The following TTC12 variants were observed in gnomAD, a reference collection of about 807,000 sequenced individuals.
TTC12 encodes the protein tetratricopeptide repeat protein 12.
A neutral mutation model predicts 90.1 loss-of-function variants in TTC12; 70 were observed. The observed-to-expected ratio is 0.78, with a 90% CI of 0.64 to 0.95. TTC12 has a LOEUF of 0.95. Ranked by LOEUF, TTC12 falls within the 40% of genes least tolerant of loss-of-function variation. The pLI is 0.00. For synonymous variants in TTC12, 296 were observed against 311.5 expected, an observed-to-expected ratio of 0.95 and a Z score of 0.53; for missense variants, 819 against 846.1, an observed-to-expected ratio of 0.97 and a Z score of 0.40.
intron 7 of TTC12, among the ~76,000 whole-genome samples, chr11:113,334,705 G>T (rs1225434161): frequency 3.3e-5 from 5 of 151,752 alleles, no homozygotes. Context: ...CTGAGGGTTT[G>T]CTTCCTGATT....
intron 16 of TTC12, among the ~76,000 whole-genome samples, chr11:113,357,779 T>C (rs12293753): frequency 0.25 from 38,065 of 152,108 alleles, 5,946 homozygotes; most frequent in East Asian, 0.49. Flanking sequence ...TTTTCTGGCT[T>C]CTCTAGGTTA....
At chr11:113,341,276 G>A (rs1330192228) in intron 11 of TTC12, among the ~76,000 whole-genome samples, 1 of 152,096 alleles carries the variant, frequency 6.6e-6, no homozygotes, top group Non-Finnish European at 1.5e-5. Flanking sequence ...CACTTCCCAG[G>A]GCTCCTCTAA....
At chr11:113,355,306 C>T (rs1949566257) in intron 16 of TTC12, among the ~76,000 whole-genome samples, 1 of 152,156 alleles carries the variant, frequency 6.6e-6, no homozygotes, top group East Asian at 1.9e-4. Flanking sequence ...GTGGTGATAT[C>T]CCCCCTGTTG....
chr11:113,330,690 T>C (rs184845497), intron 7 of TTC12, among the ~76,000 whole-genome samples: 20 of 152,334 alleles, frequency 1.3e-4, no homozygotes, highest in Admixed American at 9.8e-4. Flanking sequence ...TTCTCAGACT[T>C]CTGCACTATG....
At chr11:113,354,022 A>T (rs116254878) in intron 16 of TTC12, among the ~76,000 whole-genome samples, 1,562 of 152,234 alleles carry the variant, frequency 0.01, 24 homozygotes, top group African/African-American at 0.036. Context: ...GTTTAGTAGG[A>T]ATTGCATTGA....
intron 12 of TTC12, among the ~76,000 whole-genome samples, chr11:113,342,976 A>T (rs1948761867): frequency 6.6e-6 from 1 of 152,224 alleles, no homozygotes; most frequent in Non-Finnish European, 1.5e-5. Context: ...CGTTTCTGTG[A>T]ACCTTAAAGT....
downstream of TTC12, among the ~76,000 whole-genome samples, chr11:113,369,317 C>T (rs527329323): frequency 2.0e-5 from 3 of 152,150 alleles, no homozygotes; most frequent in African/African-American, 7.2e-5. Flanking sequence ...TATGGTGTTT[C>T]ACCATGTTGA....
chr11:113,342,588 G>T (rs114714328), intron 12 of TTC12, among the ~76,000 whole-genome samples: 2,027 of 152,236 alleles, frequency 0.013, 53 homozygotes, highest in African/African-American at 0.047. Flanking sequence ...CTTTTCACAG[G>T]GCTACTGTGG....
chr11:113,366,992 T>C (rs1185870643), downstream of TTC12, among the ~76,000 whole-genome samples: 2 of 152,230 alleles, frequency 1.3e-5, no homozygotes, highest in African/African-American at 4.8e-5. Context: ...GGCTTCTCTT[T>C]CTACAGTGAA....
chr11:113,372,399 G>C (rs1248534133), intron 21 of TTC12, among the ~76,000 whole-genome samples: 1 of 152,120 alleles, frequency 6.6e-6, no homozygotes, highest in Non-Finnish European at 1.5e-5. Flanking sequence ...TCATTATGCT[G>C]TACGCCTTCC....
chr11:113,350,284 G>A (rs1949192541), intron 14 of TTC12, 119 bp downstream of exon 14: 1 of 744,068 alleles, frequency 1.3e-6, no homozygotes, highest in Admixed American at 2.6e-5. Flanking sequence ...AGTATTGCAA[G>A]ATTCACTGAG....
At position 113,329,970 on chromosome 11, in the gene TTC12, G is replaced by A; in HGVS notation, c.495G>A (p.Trp165Ter). 1.2e-6 allele frequency: 2 copies of A among 1,613,168 alleles called. No homozygotes were observed. Among genetic ancestry groups the A allele is most frequent in the Non-Finnish European group, 1.7e-6 (2 of 1,179,130 alleles). ...AGAAGGCACTGGTGGATTGTGAGTG[G>A]GCTCTCAAGGTAAGAGGGTATTTCT... ...DYEKALVDCE[W>*]ALKCDEKCTK... The change falls in exon 7 of 22, where the codon TGG (tryptophan) becomes TGA (stop). Residue 165 changes from tryptophan to a stop codon, truncating the protein, a stop_gained. Transcript: ENST00000529221. LOFTEE classifies it high-confidence loss of function.
At chr11:113,369,560 A>C (rs1268740690), downstream of TTC12, among the ~76,000 whole-genome samples, 1 of 152,130 alleles carries the variant, frequency 6.6e-6, no homozygotes, top group Admixed American at 6.5e-5. Flanking sequence ...TAAAAACAGA[A>C]TAGTACTTTC....
chr11:113,330,636 G>A (rs572747865), intron 7 of TTC12, among the ~76,000 whole-genome samples: 2 of 152,274 alleles, frequency 1.3e-5, no homozygotes, highest in East Asian at 3.9e-4. Context: ...TTCCCCTAAA[G>A]TACTCTGTCA....
At chr11:113,356,553 T>A (rs1168517396) in intron 16 of TTC12, among the ~76,000 whole-genome samples, 1 of 152,250 alleles carries the variant, frequency 6.6e-6, no homozygotes, top group East Asian at 1.9e-4. Flanking sequence ...TCTGTGTACT[T>A]CAGTGTGTGT....
chr11:113,370,481 C>T (rs1321190542), downstream of TTC12, among the ~76,000 whole-genome samples: 2 of 152,252 alleles, frequency 1.3e-5, no homozygotes, highest in Non-Finnish European at 2.9e-5. Context: ...AAGCACTGGG[C>T]TTCTGTGACC....
chr11:113,338,690 C>A, intron 8 of TTC12, 84 bp from the exon 9 acceptor site: 1 of 1,012,678 alleles, frequency 9.9e-7, no homozygotes, highest in Non-Finnish European at 1.5e-6. Context: ...AATAATGAAG[C>A]AGCCAAGCCC....
intron 5 of TTC12, among the ~76,000 whole-genome samples, chr11:113,325,125 G>T (rs1472207877): frequency 6.6e-6 from 1 of 152,144 alleles, no homozygotes; most frequent in Non-Finnish European, 1.5e-5. Flanking sequence ...TATGATAGAA[G>T]AATGTTTTCA....
chr11:113,319,766 G>T (rs947493646), intron 2 of TTC12, among the ~76,000 whole-genome samples: 1 of 152,016 alleles, frequency 6.6e-6, no homozygotes, highest in Non-Finnish European at 1.5e-5. Context: ...AGGTTTTCGT[G>T]CTGGAAAGGA....
Sources: gnomAD v4.1 joint callset for allele counts (sites outside exome capture counted in the v4.1 genomes callset) on GRCh38, gnomAD v4.1.1 for gene constraint, MANE v1.5 for transcripts, NCBI Gene and HGNC (gene_info 2026-07-23, HGNC 2026-07-21) for gene names.